Variants in LRRTM4 observed in about 807,000 individuals in gnomAD.
The protein encoded by LRRTM4 is leucine-rich repeat transmembrane neuronal protein 4.
A neutral mutation model predicts 47.6 loss-of-function variants in LRRTM4; 25 were observed. That is an observed-to-expected ratio of 0.53 (90% CI 0.38 to 0.73). LRRTM4 has a LOEUF of 0.73. LRRTM4 is among the 30% of genes least tolerant of loss of function. LRRTM4 has a pLI of 0.00. For missense variants in LRRTM4, 638 were observed against 713.4 expected, an observed-to-expected ratio of 0.89 and a Z score of 1.20; for synonymous variants, 311 against 269.5, an observed-to-expected ratio of 1.15 and a Z score of -1.51.
At chr2:77,190,573 T>A (rs1329561541) in intron 3 of LRRTM4, among the ~76,000 whole-genome samples, 1 of 152,078 alleles carries the variant, frequency 6.6e-6, no homozygotes, top group Non-Finnish European at 1.5e-5. Context: ...GTGCTTGGAT[T>A]ACAGACGTGC....
At chr2:77,141,635 T>C (rs1224817426) in intron 3 of LRRTM4, among the ~76,000 whole-genome samples, 1 of 152,050 alleles carries the variant, frequency 6.6e-6, no homozygotes, top group Non-Finnish European at 1.5e-5. Context: ...ATGGTTTAAC[T>C]CTATCATTCC....
At chr2:76,887,171 G>C (rs1673103068) in intron 3 of LRRTM4, among the ~76,000 whole-genome samples, 1 of 151,408 alleles carries the variant, frequency 6.6e-6, no homozygotes, top group African/African-American at 2.4e-5. Flanking sequence ...CCATAAAGAA[G>C]TATACATTAT....
At position 77,519,181 on chromosome 2, in the gene LRRTM4, T is replaced by C. The variant is rs1225795891; in HGVS notation, c.688A>G (p.Asn230Asp). 6.2e-7 allele frequency: 1 copy of C among 1,613,244 alleles called. No individual in the cohort carries two copies. Among genetic ancestry groups the C allele is most frequent in the Non-Finnish European group, 8.5e-7 (1 of 1,179,588 alleles). Residue 230 changes from asparagine (N) to aspartate (D), a missense_variant, in exon 3 of 4, where the codon AAC becomes GAC. Transcript: ENST00000409884. The surrounding 1 kb of genome is among the most constrained non-coding windows in gnomAD (Gnocchi z 4.6). ...CATTGTAAGTAAATTGAGCGGAGGT[T>C]GAAGAGACGTGGAAAATGAGCAAAG... ...INFAHFPRLFNLRSIYLQWNR... is the reference protein window; with the variant it reads ...INFAHFPRLFDLRSIYLQWNR...
At chr2:77,420,756 C>A (rs1674843894) in intron 3 of LRRTM4, among the ~76,000 whole-genome samples, 1 of 143,730 alleles carries the variant, frequency 7.0e-6, no homozygotes, top group Non-Finnish European at 1.5e-5. Flanking sequence ...AGTCTTAAGG[C>A]CCTTTCAGTG....
chr2:77,425,622 A>C (rs1471092704), intron 3 of LRRTM4, among the ~76,000 whole-genome samples: 1 of 152,196 alleles, frequency 6.6e-6, no homozygotes, highest in African/African-American at 2.4e-5. Context: ...ACCAATTGAC[A>C]CCTATAAGTG....
chr2:77,087,260 T>C (rs1680749299), intron 3 of LRRTM4, among the ~76,000 whole-genome samples: 2 of 152,168 alleles, frequency 1.3e-5, no homozygotes, highest in Admixed American at 6.5e-5. Context: ...AGTGAATTGA[T>C]GAACTAGAAA....
At chr2:76,799,450 C>T (rs1221188236) in intron 3 of LRRTM4, among the ~76,000 whole-genome samples, 4 of 138,322 alleles carry the variant, frequency 2.9e-5, no homozygotes, top group South Asian at 2.4e-4. Context: ...TGGGACGTAT[C>T]TCAAAATAAT....
intron 3 of LRRTM4, among the ~76,000 whole-genome samples, chr2:76,767,577 C>A (rs996836660): frequency 6.6e-6 from 1 of 152,142 alleles, no homozygotes; most frequent in Non-Finnish European, 1.5e-5. Flanking sequence ...TCTAAAGCTA[C>A]AGTTGGCTGT....
intron 3 of LRRTM4, among the ~76,000 whole-genome samples, chr2:76,821,323 A>T (rs1287032991): frequency 6.6e-6 from 1 of 151,694 alleles, no homozygotes; most frequent in Admixed American, 6.6e-5. Flanking sequence ...TTAAAAATGC[A>T]TATGTCTGGC....
intron 3 of LRRTM4, among the ~76,000 whole-genome samples, chr2:77,487,115 A>T (rs563373122): frequency 2.6e-4 from 39 of 152,308 alleles, no homozygotes; most frequent in Admixed American, 2.2e-3. Context: ...CTGCAGTGAG[A>T]GAGGCGCAGC....
rs762682062 is a variant in LRRTM4 at position 77,089,137 on chromosome 2, C to T, written c.1552-340221G>A. On this transcript the variant is annotated intron_variant, in intron 3 of 3. Coordinates refer to ENST00000409884, the MANE Select transcript of LRRTM4 (RefSeq NM_001134745.3). Reference sequence around the variant, plus strand: ...GTCCTTCACCCTTAGGGGCAAGTCCCGCTTTTCTGGGGAAGGGGCAAATAC... The same window carrying T: ...GTCCTTCACCCTTAGGGGCAAGTCCTGCTTTTCTGGGGAAGGGGCAAATAC... Among the ~76,000 whole-genome samples the T allele has an allele frequency of 2.0e-3, 303 of 152,152 alleles. 2 individuals carry two copies. The highest frequency in any genetic ancestry group is 1.2e-3 in the Non-Finnish European group (82 of 68,006).
intron 3 of LRRTM4, among the ~76,000 whole-genome samples, chr2:76,798,850 C>A (rs1213864899): frequency 1.3e-5 from 2 of 152,084 alleles, no homozygotes; most frequent in South Asian, 4.1e-4. Context: ...AGAAAATCTA[C>A]AAGAAATGGA....
chr2:77,072,800 C>CAAAAAAAAAAAA lies in LRRTM4; in HGVS notation c.1552-323896_1552-323885dup, dbSNP rs373786120. ...GGCGACAGAGTGAGACTCCGTCTTC[C>CAAAAAAAAAAAA]AAAAAAAAAAAAAAAAAAAAAAACA... On this transcript the variant is annotated intron_variant, in intron 3 of 3. Coordinates refer to ENST00000409884, the MANE Select transcript of LRRTM4 (RefSeq NM_001134745.3). Among the ~76,000 whole-genome samples the CAAAAAAAAAAAA allele has an allele frequency of 1.1e-3, 87 of 78,738 alleles. 3 individuals carry two copies. The highest frequency in any genetic ancestry group is 4.3e-3 in the African/African-American group (86 of 20,090). 51.7% of individuals were successfully genotyped at this position (78,738 alleles called of 152,430 possible).
intron 3 of LRRTM4, among the ~76,000 whole-genome samples, chr2:76,867,399 G>A (rs2104034081): frequency 6.6e-6 from 1 of 152,214 alleles, no homozygotes; most frequent in Admixed American, 6.6e-5. Flanking sequence ...AATGAGTTCA[G>A]GTATAAAAGA....
chr2:76,849,751 G>C (rs1436661057), intron 3 of LRRTM4, among the ~76,000 whole-genome samples: 2 of 151,964 alleles, frequency 1.3e-5, no homozygotes, highest in African/African-American at 2.4e-5. Context: ...TTTTGTATTT[G>C]AATCTGTATT....
chr2:77,391,308 T>G (rs1266191745), intron 3 of LRRTM4, among the ~76,000 whole-genome samples: 1 of 152,038 alleles, frequency 6.6e-6, no homozygotes, highest in Admixed American at 6.6e-5. Context: ...TGGGAAACTC[T>G]GCAGATGGTT....
chr2:76,894,135 G>C (rs1673337339), intron 3 of LRRTM4, among the ~76,000 whole-genome samples: 1 of 151,964 alleles, frequency 6.6e-6, no homozygotes, highest in South Asian at 2.1e-4. Context: ...TTCACAGAAA[G>C]AAATACTTGG....
intron 3 of LRRTM4, among the ~76,000 whole-genome samples, chr2:77,257,526 C>T (rs1472871119): frequency 3.3e-5 from 5 of 152,010 alleles, no homozygotes; most frequent in Non-Finnish European, 5.9e-5. Context: ...AGTCCAACTG[C>T]TGATGAAATA....
intron 3 of LRRTM4, among the ~76,000 whole-genome samples, chr2:77,344,442 T>C (rs13027105): frequency 0.5 from 76,159 of 151,398 alleles, 22,449 homozygotes; most frequent in Non-Finnish European, 0.66. Flanking sequence ...TAATGGAATT[T>C]ATGCAGGAAA....
Sources: allele counts gnomAD v4.1 joint callset (sites outside exome capture counted in the v4.1 genomes callset), GRCh38; gene constraint gnomAD v4.1.1; non-coding constraint Gnocchi (gnomAD v3.1); transcripts MANE v1.5; gene names NCBI Gene and HGNC (gene_info 2026-07-23, HGNC 2026-07-21).